The following CSPP1 variants were observed in gnomAD, a reference collection of about 807,000 sequenced individuals.
The protein encoded by CSPP1 is centrosome and spindle pole-associated protein 1.
A neutral mutation model predicts 164.4 loss-of-function variants in CSPP1; 126 were observed. That is an observed-to-expected ratio of 0.77 (90% CI 0.66 to 0.89). The LOEUF is 0.89. CSPP1 is among the 40% of genes least tolerant of loss of function. The pLI is 0.00. For missense variants in CSPP1, 1,395 were observed against 1,449.8 expected, an observed-to-expected ratio of 0.96 and a Z score of 0.61; for synonymous variants, 472 against 476.7, an observed-to-expected ratio of 0.99 and a Z score of 0.13.
chr8:67,173,859 A>G lies in CSPP1; in HGVS notation c.2968+1304A>G, dbSNP rs528468026. On this transcript the variant is annotated intron_variant, in intron 25 of 30. Coordinates refer to ENST00000678616, the MANE Select transcript of CSPP1 (RefSeq NM_001382391.1). ...GTCAAAACTGTTTGTATTATAAACTAAGACATTATTTGTCTTTTTCATTCT... is the reference window on the plus strand; with the variant it reads ...GTCAAAACTGTTTGTATTATAAACTGAGACATTATTTGTCTTTTTCATTCT... The G allele has an allele frequency of 1.1e-4, 16 of 152,326 alleles. No homozygotes were observed. In the South Asian group the frequency reaches 3.3e-3, roughly 32 times the overall value. 9.4% of individuals were successfully genotyped at this position (152,326 alleles called of 1,614,324 possible).
chr8:67,195,676 C>A lies in CSPP1; in HGVS notation c.*83C>A, dbSNP rs1837795564. The stretch of plus-strand genomic sequence containing the variant: ...TACCTTTAATATGTCCTACTTTTGG[C>A]CCCTACCTGAAAGTTACTTTTTTTC... On this transcript the variant is annotated 3_prime_UTR_variant, in exon 31 of 31. Transcript: ENST00000678616. The A allele has an allele frequency of 1.6e-6, 2 of 1,213,472 alleles. No homozygotes were observed. Among genetic ancestry groups the A allele is most frequent in the Non-Finnish European group, 2.3e-6 (2 of 852,336 alleles). The allele number at this position is 1,213,472 out of a possible 1,614,324, so 75.2% of individuals were successfully genotyped here.
intron 28 of CSPP1, among the ~76,000 whole-genome samples, chr8:67,182,319 T>C (rs890769093): frequency 6.9e-5 from 8 of 115,168 alleles, no homozygotes; most frequent in African/African-American, 4.4e-4. Context: ...GATTTCCCCT[T>C]TTTTTTTTTA....
At chr8:67,192,821 T>C (rs1181862670) in intron 29 of CSPP1, among the ~76,000 whole-genome samples, 1 of 152,230 alleles carries the variant, frequency 6.6e-6, no homozygotes, top group Admixed American at 6.5e-5. Flanking sequence ...TTTATTTCTA[T>C]ATTCTTCTTA....
intron 17 of CSPP1, among the ~76,000 whole-genome samples, chr8:67,148,934 AAC>A (rs1825151776): frequency 1.3e-5 from 2 of 152,294 alleles, no homozygotes; most frequent in East Asian, 3.9e-4. Flanking sequence ...TAGCATGATA[AAC>A]AGTTATTATC....
At chr8:67,176,770 C>G (rs1019645941) in intron 26 of CSPP1, among the ~76,000 whole-genome samples, 2 of 152,068 alleles carry the variant, frequency 1.3e-5, no homozygotes, top group East Asian at 3.9e-4. Context: ...AGACCTAATT[C>G]ATAGGAATAT....
intron 21 of CSPP1, among the ~76,000 whole-genome samples, chr8:67,161,396 T>C (rs1372281906): frequency 6.6e-6 from 1 of 152,226 alleles, no homozygotes; most frequent in African/African-American, 2.4e-5. Flanking sequence ...ATGATGCTGT[T>C]AGTGATTAGA....
At chr8:67,071,561 G>A (rs11985037) in intron 1 of CSPP1, among the ~76,000 whole-genome samples, 12,586 of 151,918 alleles carry the variant, frequency 0.083, 1,062 homozygotes, top group African/African-American at 0.22. Flanking sequence ...ATTTCTAACC[G>A]TCTACTGTAA....
intron 7 of CSPP1, among the ~76,000 whole-genome samples, chr8:67,100,371 T>G (rs973604559): frequency 2.0e-5 from 3 of 152,126 alleles, no homozygotes; most frequent in Non-Finnish European, 2.9e-5. Flanking sequence ...AAAAGATTTT[T>G]TAGTGTGGAT....
chr8:67,156,870 C>T (rs531324397), intron 19 of CSPP1, among the ~76,000 whole-genome samples: 28 of 152,272 alleles, frequency 1.8e-4, no homozygotes, highest in African/African-American at 6.5e-4. Flanking sequence ...AACTCTGAAG[C>T]ATTTTTGTGT....
chr8:67,175,575 G>A (rs1448461413), intron 26 of CSPP1, 139 bp downstream of exon 26: 2 of 964,668 alleles, frequency 2.1e-6, no homozygotes, highest in Admixed American at 2.0e-5. Flanking sequence ...CGTTTGGTCT[G>A]TAGTACCAGA....
rs750306493 is a variant in CSPP1 at position 67,175,463 on chromosome 8, A to G, written c.3109+27A>G. 1.6e-5 allele frequency: 26 copies of G among 1,613,132 alleles called. No individual in the cohort carries two copies. The African/African-American group carries it at 3.1e-4, about 19-fold the overall frequency. ...TAAGAAATAATCATTGCTGTGTCAAATAGTATCAGCACGCTGTTTTTCCGT... is the reference window on the plus strand; with the variant it reads ...TAAGAAATAATCATTGCTGTGTCAAGTAGTATCAGCACGCTGTTTTTCCGT... On this transcript the variant is annotated intron_variant, in intron 26 of 30. Transcript: ENST00000678616.
intron 29 of CSPP1, 78 bp downstream of exon 29, chr8:67,190,837 T>G: frequency 1.9e-6 from 2 of 1,039,834 alleles, no homozygotes; most frequent in Non-Finnish European, 3.0e-6. Flanking sequence ...TAAATCTGTG[T>G]GGCCCAATAA....
At chr8:67,186,477 T>G (rs945346954) in intron 28 of CSPP1, among the ~76,000 whole-genome samples, 11 of 149,924 alleles carry the variant, frequency 7.3e-5, no homozygotes, top group Non-Finnish European at 1.5e-4. Flanking sequence ...ACAAATCTGA[T>G]AACCTAAAGT....
rs780604308 is a variant in CSPP1 at position 67,113,908 on chromosome 8, A to G, written c.1245+46A>G. 3.4e-6 allele frequency: 4 copies of G among 1,181,982 alleles called. No individual in the cohort carries two copies. The East Asian group carries it at 9.5e-5, about 28-fold the overall frequency. The allele number at this position is 1,181,982 out of a possible 1,614,324, so 73.2% of individuals were successfully genotyped here. A position where few individuals can be genotyped will look rare whatever the true frequency, so the allele number is the denominator to read the frequency against. On this transcript the variant is annotated intron_variant, in intron 11 of 30. Transcript: ENST00000678616. ...TTAATGTTTAATCTTTCATCAAATG[A>G]TCCTCAAATGTGGTGGCAGGTGGGG...
At chr8:67,092,633 T>C (rs1811855854) in intron 5 of CSPP1, among the ~76,000 whole-genome samples, 1 of 151,952 alleles carries the variant, frequency 6.6e-6, no homozygotes, top group Non-Finnish European at 1.5e-5. Flanking sequence ...TTAGTAGAGA[T>C]GGTGTTTCAC....
At position 67,164,048 on chromosome 8, in the gene CSPP1, C is replaced by T. The variant is rs376600985; in HGVS notation, c.2710+250C>T. Among the ~76,000 whole-genome samples, 25 of 152,272 alleles carry T rather than the reference C, an allele frequency of 1.6e-4. No homozygotes were observed. The East Asian group carries it at 3.3e-3, about 20-fold the overall frequency. ...TACATGCATTTATGTATGTGTATTT[C>T]TGTGCATTTTTATCATGCACAGTTT... On this transcript the variant is annotated intron_variant, in intron 23 of 30. Transcript: ENST00000678616.
chr8:67,151,978 C>G (rs1419266535), intron 18 of CSPP1, among the ~76,000 whole-genome samples: 1 of 149,616 alleles, frequency 6.7e-6, no homozygotes, highest in Admixed American at 6.7e-5. Flanking sequence ...GTCCCAGCTA[C>G]TTGGGAGGCT....
rs192242811 is a variant in CSPP1, at chr8:67,151,827, C to T, written c.2128+1892C>T. ...TTAATTGGCTGGGTGCAGTGGCTCACGCCTGTAATCCCAGCACTTTGGGAG... is the reference window on the plus strand; with the variant it reads ...TTAATTGGCTGGGTGCAGTGGCTCATGCCTGTAATCCCAGCACTTTGGGAG... On this transcript the variant is annotated intron_variant, in intron 18 of 30. Coordinates refer to ENST00000678616, the MANE Select transcript of CSPP1 (RefSeq NM_001382391.1). Among the ~76,000 whole-genome samples, 286 of 152,076 alleles carry T rather than the reference C, an allele frequency of 1.9e-3. 4 individuals are homozygous for T. Among genetic ancestry groups the T allele is most frequent in the African/African-American group, 6.6e-3 (274 of 41,496 alleles).
chr8:67,194,278 A>G (rs1027475249), intron 30 of CSPP1, among the ~76,000 whole-genome samples: 1 of 152,230 alleles, frequency 6.6e-6, no homozygotes, highest in Non-Finnish European at 1.5e-5. Flanking sequence ...CTATTTGGGA[A>G]ATACTCTTTA....
Sources: allele counts gnomAD v4.1 joint callset (sites outside exome capture counted in the v4.1 genomes callset), GRCh38; gene constraint gnomAD v4.1.1; transcripts MANE v1.5; gene names NCBI Gene and HGNC (gene_info 2026-07-23, HGNC 2026-07-21).